NSMCE1: variants seen among roughly 807,000 people sequenced by gnomAD.
The protein encoded by NSMCE1 is non-structural maintenance of chromosomes element 1 homolog.
In NSMCE1, 18 loss-of-function variants were observed where a neutral mutation model predicts 29.6. That is an observed-to-expected ratio of 0.61 (90% CI 0.42 to 0.90). The LOEUF (loss-of-function observed/expected upper bound fraction) is 0.90, where lower values mean the gene tolerates loss of function less well. Ranked by LOEUF, NSMCE1 falls within the 40% of genes least tolerant of loss-of-function variation. NSMCE1 has a pLI of 0.00. For synonymous variants in NSMCE1, 124 were observed against 133.4 expected (o/e 0.93, Z 0.49); for missense variants, 314 against 343.6 (o/e 0.91, Z 0.68).
At chr16:27,262,598 T>C (rs1441328299) in intron 1 of NSMCE1, among the ~76,000 whole-genome samples, 1 of 152,204 alleles carries the variant, frequency 6.6e-6, no homozygotes, top group African/African-American at 2.4e-5. Context: ...CAATTCAAGA[T>C]GGATTAAAGA....
At chr16:27,233,757 C>T (rs551607003) in intron 4 of NSMCE1, among the ~76,000 whole-genome samples, 48 of 152,352 alleles carry the variant, frequency 3.2e-4, no homozygotes, top group Non-Finnish European at 6.2e-4. Context: ...CAAATGTGCA[C>T]GTGCAAAGGA....
intron 6 of NSMCE1, chr16:27,226,260 G>C: frequency 4.9e-6 from 1 of 202,202 alleles, no homozygotes; most frequent in South Asian, 9.0e-5. Context: ...GGTGTACGAG[G>C]CCCGTAAGAG....
intron 7 of NSMCE1, among the ~76,000 whole-genome samples, chr16:27,225,467 C>T (rs1160655816): frequency 6.6e-6 from 1 of 152,240 alleles, no homozygotes; most frequent in Non-Finnish European, 1.5e-5. Flanking sequence ...CCTGAGAGGG[C>T]TGCCAGAGAG....
rs1170904882 is a variant in NSMCE1 at position 27,232,948 on chromosome 16, A to C, written c.483+53T>G. 6.3e-7 allele frequency: 1 copy of C among 1,588,674 alleles called. No homozygotes were observed. The highest frequency in any genetic ancestry group is 8.6e-7 in the Non-Finnish European group (1 of 1,165,590). The stretch of plus-strand genomic sequence containing the variant: ...CTACAAGTACGATTTTGGAGAAAAA[A>C]CTGTTATTCACTTGAAAAAGTGAAC... On this transcript the variant is annotated intron_variant, in intron 5 of 7. Transcript: ENST00000361439. This position sits in a 1 kb window ranked among gnomAD's most constrained non-coding sequence, Gnocchi z 4.5.
intron 7 of NSMCE1, 116 bp from the exon 8 acceptor site, chr16:27,225,352 ATCC>A (rs2083677168): frequency 1.4e-6 from 1 of 692,326 alleles, no homozygotes; most frequent in East Asian, 2.7e-5. Context: ...GGTCTACACC[ATCC>A]TTCACTGCTA....
At chr16:27,249,753 A>C (rs1456366389) in intron 2 of NSMCE1, among the ~76,000 whole-genome samples, 1 of 152,178 alleles carries the variant, frequency 6.6e-6, no homozygotes, top group Non-Finnish European at 1.5e-5. Context: ...TAGGTCCTTT[A>C]CATTTCCATG....
intron 1 of NSMCE1, chr16:27,266,289 G>A (rs952784391): frequency 6.6e-6 from 1 of 152,224 alleles, no homozygotes; most frequent in African/African-American, 2.4e-5. Context: ...AACAGGATAG[G>A]ATTGAATGCT....
At chr16:27,251,191 A>AT (rs1555477411) in intron 2 of NSMCE1, among the ~76,000 whole-genome samples, 452 of 32,180 alleles carry the variant, frequency 0.014, 13 homozygotes, top group African/African-American at 0.061. Context: ...TATATATATA[A>AT]ATATATATAT....
chr16:27,260,502 A>G (rs2084142707), intron 1 of NSMCE1, among the ~76,000 whole-genome samples: 1 of 152,252 alleles, frequency 6.6e-6, no homozygotes, highest in South Asian at 2.1e-4. Context: ...CAACTAGATT[A>G]GTAATAACAA....
chr16:27,227,645 A>G (rs2083712762), intron 5 of NSMCE1, among the ~76,000 whole-genome samples: 1 of 152,198 alleles, frequency 6.6e-6, no homozygotes, highest in Non-Finnish European at 1.5e-5. Context: ...CAGTCAGCTC[A>G]TGCATCGGAT....
chr16:27,257,818 C>A (rs1447532007), intron 1 of NSMCE1, among the ~76,000 whole-genome samples: 1 of 152,186 alleles, frequency 6.6e-6, no homozygotes, highest in African/African-American at 2.4e-5. Context: ...GGCTCTCCCA[C>A]TTACTAGGCG....
chr16:27,257,659 T>G, intron 1 of NSMCE1, 78 bp from the exon 2 acceptor site: 2 of 1,175,764 alleles, frequency 1.7e-6, no homozygotes, highest in Non-Finnish European at 2.4e-6. Flanking sequence ...TAATTTACAT[T>G]AACAAATATA....
intron 2 of NSMCE1, among the ~76,000 whole-genome samples, chr16:27,252,693 C>T (rs930536059): frequency 4.6e-5 from 7 of 152,114 alleles, no homozygotes; most frequent in African/African-American, 1.4e-4. Context: ...CGGAGGCAGG[C>T]GGATCACCTG....
chr16:27,229,784 G>A (rs551343222), intron 5 of NSMCE1, among the ~76,000 whole-genome samples: 4 of 152,202 alleles, frequency 2.6e-5, no homozygotes, highest in South Asian at 2.1e-4. Flanking sequence ...TCACCATATC[G>A]GCCAGGCTGG....
At chr16:27,249,426 A>G (rs2083997826) in intron 2 of NSMCE1, among the ~76,000 whole-genome samples, 2 of 152,192 alleles carry the variant, frequency 1.3e-5, no homozygotes, top group Admixed American at 1.3e-4. Flanking sequence ...ATTTAGGTCT[A>G]TGACTCATTT....
At chr16:27,234,393 G>T (rs768990511) in intron 3 of NSMCE1, 128 bp from the exon 4 acceptor site, 9 of 709,606 alleles carry the variant, frequency 1.3e-5, no homozygotes, top group Non-Finnish European at 2.3e-5. Context: ...AGGCACTGCG[G>T]GCCGCAGGGA....
chr16:27,235,306 A>C lies in NSMCE1; in HGVS notation c.137-7T>G. The stretch of plus-strand genomic sequence containing the variant: ...TTATCTACGGTGGCATTGCCTGGAA[A>C]TAAACAGACCAAAAAAAGGGGGGTG... On this transcript the variant is annotated splice_polypyrimidine_tract_variant and splice_region_variant and intron_variant, in intron 2 of 7. Transcript: ENST00000361439. The C allele has an allele frequency of 6.2e-7, 1 of 1,612,824 alleles. No homozygotes were observed. The highest frequency in any genetic ancestry group is 8.5e-7 in the Non-Finnish European group (1 of 1,179,860).
chr16:27,237,349 G>A (rs2083837132), intron 2 of NSMCE1, among the ~76,000 whole-genome samples: 9 of 152,156 alleles, frequency 5.9e-5, no homozygotes, highest in Admixed American at 5.9e-4. Flanking sequence ...CCTCCACTGC[G>A]GCAGCCACCT....
intron 1 of NSMCE1, among the ~76,000 whole-genome samples, chr16:27,262,265 C>A (rs1331791278): frequency 2.7e-5 from 4 of 148,916 alleles, no homozygotes; most frequent in African/African-American, 7.4e-5. Flanking sequence ...AAAAAAATCA[C>A]ATGGAACCAA....
Sources: allele counts gnomAD v4.1 joint callset (sites outside exome capture counted in the v4.1 genomes callset), GRCh38; gene constraint gnomAD v4.1.1; non-coding constraint Gnocchi (gnomAD v3.1); transcripts MANE v1.5; gene names NCBI Gene and HGNC (gene_info 2026-07-23, HGNC 2026-07-21).